BACH2: variants seen among roughly 807,000 people sequenced by gnomAD.
The protein encoded by BACH2 is BACH transcriptional regulator 2.
In BACH2, 5 loss-of-function variants were observed where a neutral mutation model predicts 61.8. The observed-to-expected ratio is 0.08, with a 90% CI of 0.04 to 0.17. The LOEUF (loss-of-function observed/expected upper bound fraction) is 0.17. Ranked by LOEUF, BACH2 falls within the 10% of genes least tolerant of loss-of-function variation. The pLI is 1.00. For synonymous variants in BACH2, 446 were observed against 440.1 expected (o/e 1.01, Z -0.17); for missense variants, 824 against 1,091.1 (o/e 0.76, Z 3.45).
chr6:90,006,182 A>C (rs1777395723), intron 6 of BACH2, among the ~76,000 whole-genome samples: 1 of 152,206 alleles, frequency 6.6e-6, no homozygotes. Flanking sequence ...GGATCCCTTG[A>C]GCTCAAGAGT....
Position 89,932,419 on chromosome 6 carries a change from C to T in BACH2, c.2515G>A (p.Asp839Asn), listed in dbSNP as rs1225291474. The change falls in exon 9 of 9, where the codon GAT (aspartate) becomes AAT (asparagine). Residue 839 changes from aspartate (D) to asparagine (N), a missense_variant. Asp to Asn is a conservative substitution (Grantham distance 23). This residue lies in a region of BACH2 where 135 missense variants were observed against 142.7 expected (regional missense o/e 0.95). Transcript: ENST00000257749. ...GCAGAGCCGAGTCACTAGGTATAAT[C>T]TTTCCTGGGCTGTTCGTCAGTTGTA... Reference protein sequence around the residue: ...KCTTDEQPRKDYT With the variant: ...KCTTDEQPRKNYT The T allele has an allele frequency of 6.2e-7, 1 of 1,611,350 alleles. No homozygotes were observed. Among genetic ancestry groups the T allele is most frequent in the Non-Finnish European group, 8.5e-7 (1 of 1,177,650 alleles).
chr6:90,127,040 C>T (rs1311404502), intron 4 of BACH2, among the ~76,000 whole-genome samples: 2 of 152,222 alleles, frequency 1.3e-5, no homozygotes, highest in Non-Finnish European at 2.9e-5. Context: ...GTTGTTCACA[C>T]TGCAAAAGTG....
intron 6 of BACH2, among the ~76,000 whole-genome samples, chr6:90,004,295 T>C (rs1227301185): frequency 6.6e-6 from 1 of 152,104 alleles, no homozygotes; most frequent in Non-Finnish European, 1.5e-5. Context: ...CCCCAAAATG[T>C]TGAGTGAGAG....
chr6:90,211,927 G>T (rs752103293), intron 3 of BACH2, among the ~76,000 whole-genome samples: 1 of 152,138 alleles, frequency 6.6e-6, no homozygotes, highest in Non-Finnish European at 1.5e-5. Context: ...CCACCACCAC[G>T]CCCAGCAGCT....
intron 4 of BACH2, among the ~76,000 whole-genome samples, chr6:90,132,187 C>T (rs952294493): frequency 6.6e-6 from 1 of 152,234 alleles, no homozygotes; most frequent in Non-Finnish European, 1.5e-5. Flanking sequence ...AAACCACGCT[C>T]TTCTGCCAAG....
intron 4 of BACH2, among the ~76,000 whole-genome samples, chr6:90,164,345 C>T (rs1167494699): frequency 6.6e-6 from 1 of 152,162 alleles, no homozygotes; most frequent in Non-Finnish European, 1.5e-5. Context: ...CACAGACACC[C>T]TCCCAAGACT....
chr6:90,087,213 G>A (rs1368619867), intron 5 of BACH2, among the ~76,000 whole-genome samples: 2 of 152,086 alleles, frequency 1.3e-5, no homozygotes, highest in Non-Finnish European at 2.9e-5. Flanking sequence ...CTCAACTCCA[G>A]AGAGTTATAA....
intron 4 of BACH2, among the ~76,000 whole-genome samples, chr6:90,157,203 T>C (rs1048054449): frequency 2.0e-5 from 3 of 152,258 alleles, no homozygotes; most frequent in Non-Finnish European, 4.4e-5. Flanking sequence ...GTGGGGCATT[T>C]AGTGGAAGGA....
intron 2 of BACH2, among the ~76,000 whole-genome samples, chr6:90,268,804 T>C (rs1202030092): frequency 6.6e-6 from 1 of 152,130 alleles, no homozygotes; most frequent in East Asian, 1.9e-4. Context: ...ACTTTAATAA[T>C]GAAAGATTAG....
intron 5 of BACH2, among the ~76,000 whole-genome samples, chr6:90,055,953 A>C (rs911159436): frequency 6.6e-6 from 1 of 152,174 alleles, no homozygotes; most frequent in Non-Finnish European, 1.5e-5. Context: ...GCCTGCCCTA[A>C]AAGAGCTCCT....
At chr6:90,118,482 C>T (rs1452681742) in intron 4 of BACH2, among the ~76,000 whole-genome samples, 1 of 152,172 alleles carries the variant, frequency 6.6e-6, no homozygotes, top group Non-Finnish European at 1.5e-5. Flanking sequence ...TTATTCCTTT[C>T]AAAGATCCAG....
At position 90,261,350 on chromosome 6, in the gene BACH2, G is replaced by T. The variant is rs567550051; in HGVS notation, c.-352-8760C>A. Among the ~76,000 whole-genome samples, 184 of 152,050 alleles carry T rather than the reference G, an allele frequency of 1.2e-3. 6 individuals carry two copies. The highest frequency in any genetic ancestry group is 4.1e-4 in the Non-Finnish European group (28 of 68,000). On this transcript the variant is annotated intron_variant, in intron 2 of 8. Transcript: ENST00000257749. Reference sequence around the variant, plus strand: ...TATCTATCCTCCAGGATGTAAACTTGCTTGAGATTTTAACCTTGAAAAAGA... The same window carrying T: ...TATCTATCCTCCAGGATGTAAACTTTCTTGAGATTTTAACCTTGAAAAAGA...
intron 6 of BACH2, among the ~76,000 whole-genome samples, chr6:89,991,500 CAT>C (rs934041664): frequency 3.3e-5 from 5 of 152,160 alleles, no homozygotes; most frequent in South Asian, 4.1e-4. Context: ...CACACACATG[CAT>C]ATGTTTTCCC....
At chr6:90,135,124 A>T (rs1488538667) in intron 4 of BACH2, among the ~76,000 whole-genome samples, 1 of 152,334 alleles carries the variant, frequency 6.6e-6, no homozygotes, top group East Asian at 1.9e-4. Context: ...TTCCGAATGG[A>T]GAATGAAACT....
At position 89,928,484 on chromosome 6, in the gene BACH2, A is replaced by G. The variant is rs1772467353; in HGVS notation, c.*3924T>C. 1 of 152,374 alleles carries G rather than the reference A, an allele frequency of 6.6e-6. No homozygotes were observed. The highest frequency in any genetic ancestry group is 2.4e-5 in the African/African-American group (1 of 41,448). The allele number at this position is 152,374 out of a possible 1,614,324, so 9.4% of individuals were successfully genotyped here. A position where few individuals can be genotyped will look rare whatever the true frequency, so the allele number is the denominator to read the frequency against. On this transcript the variant is annotated 3_prime_UTR_variant, in exon 9 of 9. Coordinates refer to ENST00000257749, the MANE Select transcript of BACH2 (RefSeq NM_021813.4). ...TTTTTCTTCTTCTTTGATGGCAATC[A>G]TAAAATATTAAAAGAGAAAATGTGG...
chr6:90,197,796 G>A (rs183905537), intron 4 of BACH2, among the ~76,000 whole-genome samples: 90 of 152,300 alleles, frequency 5.9e-4, no homozygotes, highest in African/African-American at 2.1e-3. Flanking sequence ...GGCAGGGGAC[G>A]CAGAGAAGCA....
intron 6 of BACH2, among the ~76,000 whole-genome samples, chr6:89,969,399 A>G (rs1042292662): frequency 5.9e-5 from 9 of 152,142 alleles, no homozygotes; most frequent in Non-Finnish European, 1.2e-4. Flanking sequence ...GGAACTCACA[A>G]TGTATCACAA....
intron 4 of BACH2, among the ~76,000 whole-genome samples, chr6:90,132,344 G>A (rs932548590): frequency 3.9e-5 from 6 of 152,090 alleles, no homozygotes; most frequent in Non-Finnish European, 7.4e-5. Flanking sequence ...ATCAAATCTG[G>A]GTTATATACC....
chr6:90,079,276 T>C (rs1340859201), intron 5 of BACH2, among the ~76,000 whole-genome samples: 3 of 152,110 alleles, frequency 2.0e-5, no homozygotes, highest in Non-Finnish European at 4.4e-5. Flanking sequence ...CCTTGTCCCT[T>C]CTCCCTCCTC....
Sources: gnomAD v4.1 joint callset for allele counts (sites outside exome capture counted in the v4.1 genomes callset) on GRCh38, gnomAD v4.1.1 for gene constraint, gnomAD v4.1.1 regional missense constraint, MANE v1.5 for transcripts, NCBI Gene and HGNC (gene_info 2026-07-23, HGNC 2026-07-21) for gene names.